The following TRPM3 variants were observed in gnomAD, a reference collection of about 807,000 sequenced individuals.
TRPM3 encodes transient receptor potential cation channel subfamily M member 3, also known as long transient receptor potential channel 3.
A neutral mutation model predicts 181.2 loss-of-function variants in TRPM3; 77 were observed. The observed-to-expected ratio is 0.42, with a 90% CI of 0.35 to 0.51. TRPM3 has a LOEUF of 0.51. TRPM3 is among the 20% of genes least tolerant of loss of function. The pLI, the probability that TRPM3 is intolerant of heterozygous loss-of-function variation, is 0.01. For synonymous variants in TRPM3, 745 were observed against 796.4 expected, an observed-to-expected ratio of 0.94 and a Z score of 1.09; for missense variants, 1,759 against 2,196.7, an observed-to-expected ratio of 0.80 and a Z score of 3.98.
chr9:70,995,891 T>C (rs1489438403), intron 1 of TRPM3, among the ~76,000 whole-genome samples: 3 of 152,214 alleles, frequency 2.0e-5, no homozygotes, highest in Non-Finnish European at 4.4e-5. Flanking sequence ...TTTCTGACAA[T>C]TCTAGAAAGA....
chr9:71,142,791 TGTAAATAGTACACA>T (rs1198008381), intron 1 of TRPM3, among the ~76,000 whole-genome samples: 1 of 124,476 alleles, frequency 8.0e-6, no homozygotes. Flanking sequence ...GTTACTGTAC[TGTAAATAGTACACA>T]GTATTCAAAG....
At chr9:71,015,308 C>T (rs899181576) in intron 1 of TRPM3, among the ~76,000 whole-genome samples, 7 of 152,284 alleles carry the variant, frequency 4.6e-5, no homozygotes, top group Non-Finnish European at 1.0e-4. Context: ...CTACCTTGTA[C>T]CTTGGTAGCT....
At chr9:71,063,435 G>A (rs933448273) in intron 1 of TRPM3, among the ~76,000 whole-genome samples, 10 of 152,230 alleles carry the variant, frequency 6.6e-5, no homozygotes, top group Non-Finnish European at 5.9e-5. Context: ...ATGTGTAATC[G>A]CATGTTACAA....
intron 8 of TRPM3, among the ~76,000 whole-genome samples, chr9:70,760,410 C>T (rs1339807979): frequency 6.8e-6 from 1 of 148,050 alleles, no homozygotes; most frequent in Non-Finnish European, 1.5e-5. Context: ...TAACGACATC[C>T]GAGATGGGAG....
intron 1 of TRPM3, among the ~76,000 whole-genome samples, chr9:71,008,406 T>G (rs533194904): frequency 1.3e-5 from 2 of 152,270 alleles, no homozygotes; most frequent in South Asian, 4.1e-4. Flanking sequence ...TTCTAAGTCA[T>G]TCTATGAGGT....
chr9:70,951,590 C>T (rs1407017104), intron 1 of TRPM3, among the ~76,000 whole-genome samples: 1 of 152,172 alleles, frequency 6.6e-6, no homozygotes, highest in African/African-American at 2.4e-5. Context: ...GATCCGACTG[C>T]CTTGGCCTCC....
At chr9:71,362,468 A>G (rs1159176102) in intron 1 of TRPM3, among the ~76,000 whole-genome samples, 1 of 152,208 alleles carries the variant, frequency 6.6e-6, no homozygotes, top group Non-Finnish European at 1.5e-5. Context: ...ACTATTTCCC[A>G]TGTGGCTGGC....
intron 1 of TRPM3, among the ~76,000 whole-genome samples, chr9:70,891,461 G>C (rs1238709378): frequency 1.3e-5 from 2 of 152,160 alleles, no homozygotes; most frequent in African/African-American, 2.4e-5. Flanking sequence ...TGCTTTTAGA[G>C]CTGAAAGCAG....
chr9:71,262,652 G>A lies in TRPM3; in HGVS notation c.183+184001C>T, dbSNP rs528452597. ...CAGTTTTGTGCTTGAAACCCAGGGT[G>A]CCTGTGGTGTAGGCACCCGAGGGAA... On this transcript the variant is annotated intron_variant, in intron 1 of 24. Coordinates refer to the TRPM3 transcript ENST00000357533. 1.4e-3 allele frequency among the ~76,000 whole-genome samples: 216 copies of A among 152,328 alleles called. 3 individuals are homozygous for A. The South Asian group carries it at 0.014, about 10-fold the overall frequency.
At chr9:71,444,338 TA>T (rs1163876865) in intron 1 of TRPM3, among the ~76,000 whole-genome samples, 1 of 152,138 alleles carries the variant, frequency 6.6e-6, no homozygotes, top group African/African-American at 2.4e-5. Context: ...AATTATTTTA[TA>T]TTCTCAAAAG....
At chr9:71,211,110 A>C (rs926270315) in intron 1 of TRPM3, among the ~76,000 whole-genome samples, 1 of 152,060 alleles carries the variant, frequency 6.6e-6, no homozygotes, top group Non-Finnish European at 1.5e-5. Flanking sequence ...TTCCTTTTTG[A>C]GGGTGTTGCT....
chr9:70,935,121 T>C (rs1262869287), intron 1 of TRPM3, among the ~76,000 whole-genome samples: 1 of 152,216 alleles, frequency 6.6e-6, no homozygotes. Context: ...ACCTCATGAA[T>C]GCCCACGCAC....
intron 1 of TRPM3, among the ~76,000 whole-genome samples, chr9:71,440,787 AT>A (rs2094126339): frequency 6.6e-6 from 1 of 152,192 alleles, no homozygotes; most frequent in Admixed American, 6.5e-5. Flanking sequence ...TAATCCTTTC[AT>A]TTTTGCTTTA....
At chr9:71,095,721 T>A (rs1465051063) in intron 1 of TRPM3, among the ~76,000 whole-genome samples, 1 of 133,374 alleles carries the variant, frequency 7.5e-6, no homozygotes, top group East Asian at 2.2e-4. Context: ...ATTGCGTGAC[T>A]GCACTCCAGC....
chr9:71,141,443 C>T (rs1023230849), intron 1 of TRPM3, among the ~76,000 whole-genome samples: 1 of 152,158 alleles, frequency 6.6e-6, no homozygotes, highest in Non-Finnish European at 1.5e-5. Flanking sequence ...ATGTAACTCG[C>T]CCTATAATCT....
intron 1 of TRPM3, among the ~76,000 whole-genome samples, chr9:71,396,253 G>A (rs2132986484): frequency 6.7e-6 from 1 of 148,190 alleles, no homozygotes; most frequent in Non-Finnish European, 1.5e-5. Context: ...CTGCTCTTCA[G>A]TTAATGACCT....
rs375200493 is a variant in TRPM3 at position 70,696,632 on chromosome 9, T to C, written c.1273-15054A>G. Reference sequence around the variant, plus strand: ...TGTGGATGTGTGCGCAAACCCGTGTTTGAAGGACACGCAGGGCCAATGCCA... The same window carrying C: ...TGTGGATGTGTGCGCAAACCCGTGTCTGAAGGACACGCAGGGCCAATGCCA... On this transcript the variant is annotated intron_variant, in intron 8 of 25. Coordinates refer to ENST00000677713, the MANE Select transcript of TRPM3 (RefSeq NM_001366145.2). Among the ~76,000 whole-genome samples, 5 of 152,320 alleles carry C rather than the reference T, an allele frequency of 3.3e-5. 1 individual carries two copies. In the East Asian group the frequency reaches 7.7e-4, roughly 24 times the overall value.
chr9:71,302,051 A>G (rs917989678), intron 1 of TRPM3, among the ~76,000 whole-genome samples: 1 of 152,136 alleles, frequency 6.6e-6, no homozygotes, highest in Non-Finnish European at 1.5e-5. Flanking sequence ...TTTGGGAATA[A>G]TATAGCAAAC....
intron 1 of TRPM3, among the ~76,000 whole-genome samples, chr9:71,433,126 A>G (rs1395005144): frequency 6.6e-6 from 1 of 152,108 alleles, no homozygotes; most frequent in African/African-American, 2.4e-5. Flanking sequence ...TTTTTGTTTC[A>G]TGCTTCACTG....
Sources: allele counts gnomAD v4.1 joint callset (sites outside exome capture counted in the v4.1 genomes callset), GRCh38; gene constraint gnomAD v4.1.1; transcripts MANE v1.5; gene names NCBI Gene and HGNC (gene_info 2026-07-23, HGNC 2026-07-21).